The following MGAT4C variants were observed in gnomAD, a reference collection of about 807,000 sequenced individuals.
MGAT4C encodes the protein MGAT4 family member C, also known as alpha-1,3-mannosyl-glycoprotein 4-beta-N-acetylglucosaminyltransferase C.
Under a neutral mutation model 40.1 loss-of-function variants are expected in MGAT4C, and 19 were observed. The observed-to-expected ratio is 0.47, with a 90% CI of 0.33 to 0.70. The LOEUF (loss-of-function observed/expected upper bound fraction) is 0.70. Among genes scored for constraint, MGAT4C ranks in the 30% least tolerant of loss-of-function variants. The pLI is 0.02. For missense variants in MGAT4C, 491 were observed against 563.2 expected (o/e 0.87, Z 1.30); for synonymous variants, 181 against 187.1 (o/e 0.97, Z 0.27).
At chr12:86,542,698 G>A (rs1163103099) in intron 2 of MGAT4C, among the ~76,000 whole-genome samples, 2 of 152,136 alleles carry the variant, frequency 1.3e-5, no homozygotes, top group Non-Finnish European at 2.9e-5. Context: ...AATAAGCATG[G>A]AATTAATGGA....
chr12:86,356,761 G>C (rs531624620), intron 3 of MGAT4C, among the ~76,000 whole-genome samples: 2 of 113,652 alleles, frequency 1.8e-5, no homozygotes, highest in Admixed American at 9.6e-5. Context: ...CAAGGTGGCA[G>C]TGAGGCTGGG....
In MGAT4C at chr12:86,218,559, T is replaced by C. The variant is rs184606547; in HGVS notation, c.-57+37680A>G. Among the ~76,000 whole-genome samples, 6 of 152,312 alleles carry C rather than the reference T, an allele frequency of 3.9e-5. No homozygotes were observed. In the East Asian group the frequency reaches 9.7e-4, roughly 25 times the overall value. On this transcript the variant is annotated intron_variant, in intron 1 of 4. Transcript: ENST00000611864. The stretch of plus-strand genomic sequence containing the variant: ...AAACCTTTTTTGAGTTCTATTTGTA[T>C]GGAGTGTTATTATTATGTGTTTGAG...
At chr12:86,617,702 G>GA (rs34380578) in intron 2 of MGAT4C, among the ~76,000 whole-genome samples, 17,443 of 129,216 alleles carry the variant, frequency 0.13, 1,582 homozygotes, top group African/African-American at 0.29. Context: ...AAAAATAATT[G>GA]AAAAAAAAAA....
intron 1 of MGAT4C, among the ~76,000 whole-genome samples, chr12:86,816,203 A>T (rs1952604018): frequency 1.3e-5 from 2 of 151,746 alleles, no homozygotes; most frequent in South Asian, 4.1e-4. Context: ...AGGTAAATGA[A>T]TTTCTCTTTC....
At chr12:86,452,954 C>T (rs1957451558) in intron 2 of MGAT4C, among the ~76,000 whole-genome samples, 2 of 152,104 alleles carry the variant, frequency 1.3e-5, no homozygotes, top group African/African-American at 4.8e-5. Flanking sequence ...TCTTGTTCCT[C>T]CAATCCTTAA....
intron 1 of MGAT4C, among the ~76,000 whole-genome samples, chr12:86,063,460 C>A (rs1378745610): frequency 6.6e-6 from 1 of 152,110 alleles, no homozygotes; most frequent in Non-Finnish European, 1.5e-5. Flanking sequence ...GAAGAAACTG[C>A]ATCAATTAAT....
intron 1 of MGAT4C, among the ~76,000 whole-genome samples, chr12:86,236,724 T>C (rs2136030942): frequency 6.6e-6 from 1 of 152,088 alleles, no homozygotes; most frequent in South Asian, 2.1e-4. Context: ...CAGATATAGT[T>C]ACTAAATAAT....
At chr12:86,764,423 C>T (rs1951465154) in intron 1 of MGAT4C, among the ~76,000 whole-genome samples, 1 of 152,270 alleles carries the variant, frequency 6.6e-6, no homozygotes, top group East Asian at 1.9e-4. Flanking sequence ...GTAGGCTCCA[C>T]CTCTGGGGGC....
intron 4 of MGAT4C, among the ~76,000 whole-genome samples, chr12:86,311,592 G>A (rs752182038): frequency 2.6e-5 from 4 of 152,082 alleles, no homozygotes; most frequent in African/African-American, 9.7e-5. Flanking sequence ...CTGGCTTCAT[G>A]GGTATGGCAT....
At position 86,154,985 on chromosome 12, in the gene MGAT4C, G is replaced by T. The variant is rs137874575; in HGVS notation, c.-57+101254C>A. 5.6e-3 allele frequency among the ~76,000 whole-genome samples: 850 copies of T among 152,250 alleles called. 10 individuals are homozygous for T. The highest frequency in any genetic ancestry group is 0.02 in the African/African-American group (811 of 41,560). On this transcript the variant is annotated intron_variant, in intron 1 of 4. Transcript: ENST00000611864. Reference sequence around the variant, plus strand: ...GTGTGTTCTGAAGAAAATAAAGTGGGATGGCATGATAGAGAGTAATGAGAG... The same window carrying T: ...GTGTGTTCTGAAGAAAATAAAGTGGTATGGCATGATAGAGAGTAATGAGAG...
At chr12:86,343,847 C>CTT (rs199807590) in intron 3 of MGAT4C, among the ~76,000 whole-genome samples, 7 of 151,182 alleles carry the variant, frequency 4.6e-5, no homozygotes, top group African/African-American at 1.7e-4. Flanking sequence ...AGCAGGAAAG[C>CTT]TTTTTTTTTC....
At chr12:86,799,136 T>C (rs907931131) in intron 1 of MGAT4C, among the ~76,000 whole-genome samples, 23 of 151,824 alleles carry the variant, frequency 1.5e-4, no homozygotes, top group South Asian at 4.1e-4. Flanking sequence ...ACCTAATTAT[T>C]TGAGATAATT....
chr12:86,172,872 A>G (rs1168786967), intron 1 of MGAT4C, among the ~76,000 whole-genome samples: 1 of 152,136 alleles, frequency 6.6e-6, no homozygotes, highest in Non-Finnish European at 1.5e-5. Context: ...TCCTTTTAAT[A>G]ATGAATATTA....
intron 2 of MGAT4C, among the ~76,000 whole-genome samples, chr12:86,437,420 G>A (rs192068231): frequency 1.3e-5 from 2 of 151,816 alleles, no homozygotes; most frequent in African/African-American, 4.8e-5. Context: ...AAAAGTTATT[G>A]TTGACGTCCC....
At chr12:86,757,177 G>A (rs1455820790) in intron 1 of MGAT4C, among the ~76,000 whole-genome samples, 2 of 150,344 alleles carry the variant, frequency 1.3e-5, no homozygotes, top group Non-Finnish European at 3.0e-5. Context: ...GAGAACACAT[G>A]GACACAGGGA....
In MGAT4C at chr12:86,191,083, G is replaced by GCACA. The variant is rs56357601; in HGVS notation, c.-57+65152_-57+65155dup. On this transcript the variant is annotated intron_variant, in intron 1 of 4. Coordinates refer to ENST00000611864, the MANE Select transcript of MGAT4C (RefSeq NM_001351288.2). ...TTTCTTAAAATCACTCTCTCTCTCT[G>GCACA]CACACACACACACACACACACACAC... Among the ~76,000 whole-genome samples the GCACA allele has an allele frequency of 1.2e-3, 170 of 138,456 alleles. 2 individuals carry two copies. The highest frequency in any genetic ancestry group is 1.8e-3 in the East Asian group (8 of 4,524). The allele number at this position is 138,456 out of a possible 152,430, so 90.8% of individuals were successfully genotyped here.
chr12:86,013,764 T>C, intron 2 of MGAT4C: 1 of 980,336 alleles, frequency 1.0e-6, no homozygotes, highest in Non-Finnish European at 1.2e-6. Flanking sequence ...AGAATCTTAG[T>C]GAAAAAAAAA....
At chr12:86,176,205 T>C (rs567205482) in intron 1 of MGAT4C, among the ~76,000 whole-genome samples, 6 of 152,300 alleles carry the variant, frequency 3.9e-5, no homozygotes, top group East Asian at 1.9e-4. Context: ...CTCAAACTTA[T>C]TCACATTTCA....
intron 3 of MGAT4C, among the ~76,000 whole-genome samples, chr12:86,374,194 A>T (rs999239597): frequency 6.6e-6 from 1 of 152,102 alleles, no homozygotes; most frequent in African/African-American, 2.4e-5. Context: ...CATCAGTGTG[A>T]GCTGAGAATG....
Sources: gnomAD v4.1 joint callset for allele counts (sites outside exome capture counted in the v4.1 genomes callset) on GRCh38, gnomAD v4.1.1 for gene constraint, MANE v1.5 for transcripts, NCBI Gene and HGNC (gene_info 2026-07-23, HGNC 2026-07-21) for gene names.